Variants in ETV5 observed in about 807,000 individuals in gnomAD.
The protein encoded by ETV5 is ETS variant transcription factor 5.
A neutral mutation model predicts 70.0 loss-of-function variants in ETV5; 10 were observed. That is an observed-to-expected ratio of 0.14 (90% confidence interval 0.09 to 0.24). The LOEUF (loss-of-function observed/expected upper bound fraction) is 0.24. Among genes scored for constraint, ETV5 ranks in the 10% least tolerant of loss-of-function variants. ETV5 has a pLI of 1.00. For synonymous variants in ETV5, 216 were observed against 242.2 expected, an observed-to-expected ratio of 0.89 and a Z score of 1.01; for missense variants, 453 against 651.2, an observed-to-expected ratio of 0.70 and a Z score of 3.31.
In ETV5 at chr3:186,054,355, G is replaced by A. The variant is rs1713106189; in HGVS notation, c.1210-2224C>T. ...CTACCTATTCCTTCTCCCCTTTAAAGAGAGAGCAGCCACAGCCCAGGGAGT... is the reference window on the plus strand; with the variant it reads ...CTACCTATTCCTTCTCCCCTTTAAAAAGAGAGCAGCCACAGCCCAGGGAGT... On this transcript the variant is annotated intron_variant, in intron 11 of 12. Transcript: ENST00000306376. This position sits in a 1 kb window ranked among gnomAD's most constrained non-coding sequence, Gnocchi z 4.4. Among the ~76,000 whole-genome samples the A allele has an allele frequency of 6.6e-6, 1 of 152,186 alleles. No homozygotes were observed. Among genetic ancestry groups the A allele is most frequent in the Non-Finnish European group, 1.5e-5 (1 of 68,016 alleles).
intron 7 of ETV5, chr3:186,079,437 A>G: frequency 4.0e-6 from 1 of 248,422 alleles, no homozygotes; most frequent in Non-Finnish European, 7.7e-6. Context: ...TGTAAGTGAA[A>G]TGGTAATAAC....
chr3:186,064,683 A>G, intron 8 of ETV5: 1 of 560,754 alleles, frequency 1.8e-6, no homozygotes, highest in Admixed American at 3.1e-5. Context: ...AGGCTCTCCT[A>G]ATCAAGAGTC....
chr3:186,052,243 G>T lies in ETV5; in HGVS notation c.1210-112C>A. The T allele has an allele frequency of 1.1e-6, 1 of 934,744 alleles. No homozygotes were observed. Among genetic ancestry groups the T allele is most frequent in the Non-Finnish European group, 1.7e-6 (1 of 592,938 alleles). The allele number at this position is 934,744 out of a possible 1,614,324, so 57.9% of individuals were successfully genotyped here. ...ACCTGACTGCTTTGGTCAATGATCT[G>T]CTACTCTGACCTGGAAGGGAAGGCA... On this transcript the variant is annotated intron_variant, in intron 11 of 12. Transcript: ENST00000306376. The surrounding 1 kb of genome is among the most constrained non-coding windows in gnomAD (Gnocchi z 4.5).
rs1712904772 is a variant in ETV5, at chr3:186,047,355, T to C, written c.*1284A>G. ...CACGTAAGTCTCAAACCCTACTGAA[T>C]CACACAGGTAGGGTTTAAAGTCCAA... On this transcript the variant is annotated 3_prime_UTR_variant, in exon 13 of 13. Transcript: ENST00000306376. 1 of 231,568 alleles carries C rather than the reference T, an allele frequency of 4.3e-6. No individual in the cohort carries two copies. Among genetic ancestry groups the C allele is most frequent in the Non-Finnish European group, 8.6e-6 (1 of 116,924 alleles). 14.3% of individuals were successfully genotyped at this position (231,568 alleles called of 1,614,324 possible).
intron 7 of ETV5, among the ~76,000 whole-genome samples, chr3:186,071,796 C>T (rs952049467): frequency 2.6e-5 from 4 of 151,258 alleles, no homozygotes; most frequent in African/African-American, 7.3e-5. Context: ...CACGGTGAAA[C>T]CTGTAACCGT....
At chr3:186,064,202 A>C in intron 9 of ETV5, 1 of 588,020 alleles carries the variant, frequency 1.7e-6, no homozygotes, top group Non-Finnish European at 3.0e-6. Context: ...AAAATAATTG[A>C]AGATTACAAT....
rs1424052372 is a variant in ETV5 at position 186,047,103 on chromosome 3, T to C, written c.*1536A>G. 4.4e-6 allele frequency: 1 copy of C among 228,192 alleles called. No individual in the cohort carries two copies. Among genetic ancestry groups the C allele is most frequent in the Non-Finnish European group, 8.7e-6 (1 of 114,656 alleles). 14.1% of individuals were successfully genotyped at this position (228,192 alleles called of 1,614,324 possible). A position where few individuals can be genotyped will look rare whatever the true frequency, so the allele number is the denominator to read the frequency against. The stretch of plus-strand genomic sequence containing the variant: ...CCTCCTTCACATACGAGGAACAGTG[T>C]AGTCATTCTTAATGTACTAAGTGTC... On this transcript the variant is annotated 3_prime_UTR_variant, in exon 13 of 13. Coordinates refer to ENST00000306376, the MANE Select transcript of ETV5 (RefSeq NM_004454.3).
At chr3:186,065,223 T>G (rs1229785611) in intron 8 of ETV5, among the ~76,000 whole-genome samples, 1 of 152,156 alleles carries the variant, frequency 6.6e-6, no homozygotes, top group Non-Finnish European at 1.5e-5. Flanking sequence ...TTGAGTGTCT[T>G]GCTTTAAGGG....
chr3:186,063,486 T>G (rs1325136899), intron 9 of ETV5, among the ~76,000 whole-genome samples: 2 of 152,166 alleles, frequency 1.3e-5, no homozygotes, highest in African/African-American at 4.8e-5. Flanking sequence ...CTAATTAGAG[T>G]GAGATGATCT....
At chr3:186,074,999 T>C (rs780511584) in intron 7 of ETV5, among the ~76,000 whole-genome samples, 29 of 151,940 alleles carry the variant, frequency 1.9e-4, no homozygotes, top group Non-Finnish European at 3.7e-4. Context: ...AAAGAGGCAG[T>C]ATAAATGTTT....
At position 186,057,235 on chromosome 3, in the gene ETV5, T is replaced by G. The variant is rs1345538245; in HGVS notation, c.1049A>C (p.Lys350Thr). The G allele has an allele frequency of 6.2e-7, 1 of 1,614,028 alleles. No individual in the cohort carries two copies. Among genetic ancestry groups the G allele is most frequent in the Non-Finnish European group, 8.5e-7 (1 of 1,180,010 alleles). Residue 350 changes from lysine to threonine, a missense_variant, in exon 11 of 13, where the codon AAA becomes ACA. Physicochemically the swap from Lys to Thr is moderately conservative, Grantham distance 78. Transcript: ENST00000306376. This position sits in a 1 kb window ranked among gnomAD's most constrained non-coding sequence, Gnocchi z 4.9. The part of the protein sequence containing the change: ...VVPERLEGKV[K>T]QEPTMYREGP... ...CTCTCGATACATGGTAGGCTCCTGT[T>G]TGACTTTGCCTGTTTGGGACAAGGA...
chr3:186,067,643 G>A (rs1713484502), intron 7 of ETV5, among the ~76,000 whole-genome samples: 1 of 151,032 alleles, frequency 6.6e-6, no homozygotes, highest in South Asian at 2.1e-4. Flanking sequence ...TCATATGAAA[G>A]TAAATATATA....
At position 186,079,770 on chromosome 3, in the gene ETV5, T is replaced by C. The variant is rs761712418; in HGVS notation, c.650+47A>G. 34 of 1,551,034 alleles carry C rather than the reference T, an allele frequency of 2.2e-5. No homozygotes were observed. In the South Asian group the frequency reaches 2.5e-4, roughly 11 times the overall value. Reference sequence around the variant, plus strand: ...CTTCCCCTCTCCCAGTGAGAAAGGATAGGAGTGAGGGAGACAATTAAGGAA... The same window carrying C: ...CTTCCCCTCTCCCAGTGAGAAAGGACAGGAGTGAGGGAGACAATTAAGGAA... On this transcript the variant is annotated intron_variant, in intron 7 of 12. Coordinates refer to ENST00000306376, the MANE Select transcript of ETV5 (RefSeq NM_004454.3).
intron 5 of ETV5, among the ~76,000 whole-genome samples, chr3:186,098,375 A>G (rs1368372887): frequency 6.6e-6 from 1 of 151,914 alleles, no homozygotes; most frequent in Non-Finnish European, 1.5e-5. Flanking sequence ...CTTCCCATTC[A>G]CTGCTGGTAG....
chr3:186,046,576 G>T lies in ETV5; in HGVS notation c.*2063C>A, dbSNP rs1209368157. 1 of 228,222 alleles carries T rather than the reference G, an allele frequency of 4.4e-6. No individual in the cohort carries two copies. Among genetic ancestry groups the T allele is most frequent in the Non-Finnish European group, 8.7e-6 (1 of 115,478 alleles). The allele number at this position is 228,222 out of a possible 1,614,324, so 14.1% of individuals were successfully genotyped here. ...CCGTGATGCCGCTGTCCTATGCCCA[G>T]TGACAGCACAGGTCACGTAAGTTAC... On this transcript the variant is annotated 3_prime_UTR_variant, in exon 13 of 13. Transcript: ENST00000306376.
intron 11 of ETV5, among the ~76,000 whole-genome samples, chr3:186,055,749 C>T (rs997831936): frequency 1.2e-4 from 19 of 152,206 alleles, no homozygotes; most frequent in Non-Finnish European, 1.0e-4. Flanking sequence ...ACCAAGTCCC[C>T]GGTTGCTACC....
intron 9 of ETV5, among the ~76,000 whole-genome samples, chr3:186,061,225 G>T (rs1199938341): frequency 6.6e-6 from 1 of 152,146 alleles, no homozygotes; most frequent in Non-Finnish European, 1.5e-5. Flanking sequence ...GATGCACACT[G>T]GAATCACCTG....
chr3:186,049,281 T>A (rs1206700562), intron 12 of ETV5, among the ~76,000 whole-genome samples: 1 of 152,212 alleles, frequency 6.6e-6, no homozygotes, highest in Non-Finnish European at 1.5e-5. Flanking sequence ...TTAGAAAGGT[T>A]AGAAATCTGA....
At chr3:186,060,611 T>G (rs901508515) in intron 9 of ETV5, among the ~76,000 whole-genome samples, 1 of 152,220 alleles carries the variant, frequency 6.6e-6, no homozygotes, top group Non-Finnish European at 1.5e-5. Flanking sequence ...CTTAACTGTT[T>G]CACAGGCATC....
Sources: allele counts gnomAD v4.1 joint callset (sites outside exome capture counted in the v4.1 genomes callset), GRCh38; gene constraint gnomAD v4.1.1; non-coding constraint Gnocchi (gnomAD v3.1); transcripts MANE v1.5; gene names NCBI Gene and HGNC (gene_info 2026-07-23, HGNC 2026-07-21).